METTL16: variants seen among roughly 807,000 people sequenced by gnomAD.
The protein encoded by METTL16 is RNA N(6)-adenosine-methyltransferase METTL16.
Under a neutral mutation model 57.9 loss-of-function variants are expected in METTL16, and 19 were observed. The ratio of observed to expected loss-of-function variants is 0.33; its 90% CI spans 0.23 to 0.48. The LOEUF is 0.48. Among genes scored for constraint, METTL16 ranks in the 20% least tolerant of loss-of-function variants. The pLI is 0.99. For synonymous variants in METTL16, 246 were observed against 255.6 expected, an observed-to-expected ratio of 0.96 and a Z score of 0.36; for missense variants, 434 against 691.5, an observed-to-expected ratio of 0.63 and a Z score of 4.18.
chr17:2,425,209 T>G (rs1390614270), intron 8 of METTL16, among the ~76,000 whole-genome samples: 2 of 152,320 alleles, frequency 1.3e-5, no homozygotes, highest in African/African-American at 4.8e-5. Flanking sequence ...AAGCTGTCAG[T>G]TTTTCCCCAA....
intron 1 of METTL16, among the ~76,000 whole-genome samples, chr17:2,506,769 T>C (rs376531911): frequency 3.4e-5 from 5 of 146,854 alleles, no homozygotes; most frequent in African/African-American, 8.0e-5. Context: ...GTGAGGAGCC[T>C]CTCTGCCTGG....
intron 6 of METTL16, among the ~76,000 whole-genome samples, chr17:2,452,858 TG>T (rs1226810144): frequency 2.6e-5 from 4 of 152,138 alleles, no homozygotes; most frequent in South Asian, 2.1e-4. Context: ...TTTTTGTTTT[TG>T]TTTTTTTTAG....
At chr17:2,487,081 T>TA (rs2067348682) in intron 2 of METTL16, among the ~76,000 whole-genome samples, 1 of 147,496 alleles carries the variant, frequency 6.8e-6, no homozygotes. Context: ...TGAAAGGAAT[T>TA]AGAGATATTT....
intron 8 of METTL16, among the ~76,000 whole-genome samples, chr17:2,428,602 T>TATATATGTTAAA (rs376112549): frequency 6.3e-5 from 6 of 94,992 alleles, no homozygotes; most frequent in Non-Finnish European, 1.1e-4. Flanking sequence ...TATATATATA[T>TATATATGTTAAA]AAATTGTAAT....
chr17:2,506,056 C>T (rs2067530499), intron 1 of METTL16, among the ~76,000 whole-genome samples: 1 of 151,870 alleles, frequency 6.6e-6, no homozygotes, highest in South Asian at 2.1e-4. Context: ...CAACGTCTGC[C>T]TCCCGGGTTC....
intron 6 of METTL16, 21 bp from the exon 7 acceptor site, chr17:2,441,580 C>A (rs778932857): frequency 2.0e-6 from 3 of 1,508,936 alleles, no homozygotes; most frequent in South Asian, 1.3e-5. Flanking sequence ...AAAAATCAGA[C>A]AAGTAAATAC....
intron 6 of METTL16, among the ~76,000 whole-genome samples, chr17:2,449,869 G>A (rs1017765015): frequency 2.0e-5 from 3 of 152,164 alleles, no homozygotes; most frequent in Non-Finnish European, 2.9e-5. Flanking sequence ...ATACAGGAAT[G>A]GCCAATAAGC....
At chr17:2,468,401 G>A (rs1248523530) in intron 4 of METTL16, among the ~76,000 whole-genome samples, 2 of 152,130 alleles carry the variant, frequency 1.3e-5, no homozygotes, top group African/African-American at 4.8e-5. Context: ...TCCAAGAGTC[G>A]TGTGAGTGAG....
intron 6 of METTL16, among the ~76,000 whole-genome samples, chr17:2,446,846 G>T (rs1040416699): frequency 6.6e-6 from 1 of 152,166 alleles, no homozygotes; most frequent in East Asian, 1.9e-4. Flanking sequence ...GCCTCCCGGG[G>T]TGCCGGGATT....
At chr17:2,481,343 A>T (rs118003502) in intron 2 of METTL16, among the ~76,000 whole-genome samples, 2,613 of 152,298 alleles carry the variant, frequency 0.017, 36 homozygotes, top group Middle Eastern at 0.027. Context: ...AATAACAGTA[A>T]AATGAAGAAA....
intron 8 of METTL16, among the ~76,000 whole-genome samples, chr17:2,423,064 C>T (rs1373890988): frequency 2.6e-5 from 4 of 152,138 alleles, no homozygotes; most frequent in Admixed American, 6.6e-5. Context: ...AGGAATCTGA[C>T]GACTGCTACT....
intron 6 of METTL16, among the ~76,000 whole-genome samples, chr17:2,455,658 GA>G (rs1487023524): frequency 6.6e-6 from 1 of 152,098 alleles, no homozygotes; most frequent in Non-Finnish European, 1.5e-5. Context: ...TTAAAATGAT[GA>G]AATGCATATA....
intron 4 of METTL16, among the ~76,000 whole-genome samples, chr17:2,472,683 T>A (rs996344851): frequency 2.0e-5 from 3 of 151,844 alleles, no homozygotes; most frequent in African/African-American, 7.3e-5. Context: ...AAAAAAGCTA[T>A]CAAACTATAA....
chr17:2,429,413 C>A (rs2066853395), intron 8 of METTL16, among the ~76,000 whole-genome samples: 1 of 150,490 alleles, frequency 6.6e-6, no homozygotes, highest in South Asian at 2.1e-4. Flanking sequence ...GTCTCGAACT[C>A]CTGACCTCAG....
downstream of METTL16, chr17:2,415,794 C>T (rs1235123158): frequency 1.3e-5 from 2 of 152,570 alleles, no homozygotes; most frequent in East Asian, 1.9e-4. Flanking sequence ...CTGAACCCAG[C>T]TGCTTTCTTG....
chr17:2,423,052 A>G (rs1303218873), intron 8 of METTL16, among the ~76,000 whole-genome samples: 1 of 152,136 alleles, frequency 6.6e-6, no homozygotes, highest in Non-Finnish European at 1.5e-5. Context: ...TTTTCTGCTA[A>G]AAGGAATCTG....
chr17:2,444,581 T>C (rs1489149635), intron 6 of METTL16, among the ~76,000 whole-genome samples: 1 of 152,214 alleles, frequency 6.6e-6, no homozygotes, highest in Non-Finnish European at 1.5e-5. Context: ...GTACGGTGTT[T>C]ATAAAGTCTA....
intron 8 of METTL16, among the ~76,000 whole-genome samples, chr17:2,433,371 G>A (rs1007274327): frequency 1.3e-5 from 2 of 152,212 alleles, no homozygotes; most frequent in African/African-American, 4.8e-5. Context: ...ACGAGGAGCT[G>A]TACTTCCTCC....
intron 2 of METTL16, among the ~76,000 whole-genome samples, chr17:2,495,585 G>T (rs6502295): frequency 1.1e-4 from 17 of 150,126 alleles, no homozygotes; most frequent in Admixed American, 8.6e-4. Context: ...ATCCCAGCTA[G>T]CCAGGAGGCT....
Sources: gnomAD v4.1 joint callset for allele counts (sites outside exome capture counted in the v4.1 genomes callset) on GRCh38, gnomAD v4.1.1 for gene constraint, MANE v1.5 for transcripts, NCBI Gene and HGNC (gene_info 2026-07-23, HGNC 2026-07-21) for gene names.